MCTP2: variants seen among roughly 807,000 people sequenced by gnomAD.
MCTP2 encodes the protein multiple C2 and transmembrane domain-containing protein 2.
MCTP2 carries 132 observed loss-of-function variants against 111.6 expected under a neutral mutation model. That is an observed-to-expected ratio of 1.18 (90% CI 1.03 to 1.37). MCTP2 has a LOEUF of 1.37. Among genes scored for constraint, MCTP2 ranks in the 40% most tolerant of loss-of-function variants. MCTP2 has a pLI of 0.00. For missense variants in MCTP2, 1,183 were observed against 1,067.9 expected (o/e 1.11, Z -1.50); for synonymous variants, 395 against 387.7 (o/e 1.02, Z -0.22).
At chr15:94,274,902 T>C (rs913170944) in intron 1 of MCTP2, among the ~76,000 whole-genome samples, 1 of 152,186 alleles carries the variant, frequency 6.6e-6, no homozygotes, top group Non-Finnish European at 1.5e-5. Context: ...CTACACTCTT[T>C]CATGAACATA....
intron 17 of MCTP2, among the ~76,000 whole-genome samples, chr15:94,424,072 GTGTC>G (rs2082757436): frequency 1.3e-5 from 2 of 152,030 alleles, no homozygotes; most frequent in African/African-American, 2.4e-5. Flanking sequence ...TGCCATCTTT[GTGTC>G]TGTCTTTCAA....
rs192552932 is a variant in MCTP2, at chr15:94,289,788, C to T, written c.-65-8413C>T. On this transcript the variant is annotated intron_variant, in intron 1 of 22. Coordinates refer to ENST00000357742, the MANE Select transcript of MCTP2 (RefSeq NM_001385001.1). The stretch of plus-strand genomic sequence containing the variant: ...TCCCTTCCCTAACCCCAGATACCCA[C>T]ATCCTTATCCCAGGATCCTGTGAAT... Among the ~76,000 whole-genome samples the T allele has an allele frequency of 1.3e-3, 202 of 152,284 alleles. 1 individual carries two copies. Among genetic ancestry groups the T allele is most frequent in the Non-Finnish European group, 1.0e-3 (71 of 68,024 alleles).
At chr15:94,342,448 C>T (rs1449634784) in intron 7 of MCTP2, 2 of 152,052 alleles carry the variant, frequency 1.3e-5, no homozygotes, top group African/African-American at 4.8e-5. Context: ...TGACTCCCCA[C>T]CTCCCATGTT....
In MCTP2 at chr15:94,298,627, A is replaced by G. The variant is rs768473440; in HGVS notation, c.362A>G (p.Glu121Gly). ...CTCCATGTGGTGGAAACAGACTCAG[A>G]GGAGGCCTATGCCTCTCCTGCTGAG... ...SHLHVVETDS[E>G]EAYASPAERR... The change falls in exon 2 of 23, where the codon GAG (glutamate) becomes GGG (glycine). Residue 121 changes from glutamate to glycine, a missense_variant. By Grantham distance (98) the Glu-to-Gly change is moderately conservative. Coordinates refer to ENST00000357742, the MANE Select transcript of MCTP2 (RefSeq NM_001385001.1). 2 of 1,614,008 alleles carry G rather than the reference A, an allele frequency of 1.2e-6. No individual in the cohort carries two copies. The highest frequency in any genetic ancestry group is 1.7e-6 in the Non-Finnish European group (2 of 1,180,006).
chr15:94,331,501 G>C (rs998459359), intron 4 of MCTP2, among the ~76,000 whole-genome samples: 3 of 152,098 alleles, frequency 2.0e-5, no homozygotes, highest in African/African-American at 7.2e-5. Context: ...GGAAGTTCAG[G>C]GGGGCTGTGG....
chr15:94,408,530 C>T (rs1459335837), intron 17 of MCTP2, among the ~76,000 whole-genome samples: 1 of 152,070 alleles, frequency 6.6e-6, no homozygotes, highest in African/African-American at 2.4e-5. Flanking sequence ...AAAATAGGAA[C>T]AATCCATCAT....
At chr15:94,441,400 T>C (rs977646680) in intron 18 of MCTP2, among the ~76,000 whole-genome samples, 2 of 152,224 alleles carry the variant, frequency 1.3e-5, no homozygotes, top group African/African-American at 4.8e-5. Flanking sequence ...TTATAGATAA[T>C]GGAAATTTTT....
intron 17 of MCTP2, among the ~76,000 whole-genome samples, chr15:94,411,132 GCAAA>G (rs2082133367): frequency 6.6e-6 from 1 of 152,150 alleles, no homozygotes; most frequent in South Asian, 2.1e-4. Context: ...ACCTGGATGT[GCAAA>G]CATTTTGTGT....
chr15:94,468,330 A>ACC (rs1596832306), intron 20 of MCTP2, among the ~76,000 whole-genome samples: 2 of 152,132 alleles, frequency 1.3e-5, no homozygotes, highest in East Asian at 3.9e-4. Flanking sequence ...ACAGACTGGA[A>ACC]ATTATGGTTC....
At chr15:94,336,755 A>G (rs542559461) in intron 4 of MCTP2, among the ~76,000 whole-genome samples, 2 of 151,966 alleles carry the variant, frequency 1.3e-5, no homozygotes, top group African/African-American at 4.8e-5. Flanking sequence ...GTGTATATAT[A>G]TACACATATA....
chr15:94,245,316 A>T (rs192162223), intron 1 of MCTP2, among the ~76,000 whole-genome samples: 5 of 141,968 alleles, frequency 3.5e-5, no homozygotes, highest in African/African-American at 1.3e-4. Flanking sequence ...ATATATGTAC[A>T]TATATTTACA....
At chr15:94,347,368 C>T (rs11854333) in intron 8 of MCTP2, among the ~76,000 whole-genome samples, 44,331 of 151,946 alleles carry the variant, frequency 0.29, 6,653 homozygotes, top group Admixed American at 0.36. Context: ...TTAAAATTTT[C>T]ACTAGTCCTA....
chr15:94,436,516 T>C (rs2083485895), intron 17 of MCTP2, among the ~76,000 whole-genome samples: 1 of 152,214 alleles, frequency 6.6e-6, no homozygotes, highest in Admixed American at 6.5e-5. Flanking sequence ...AAAAGAGTTT[T>C]AGGCTATTTG....
At chr15:94,309,977 C>T (rs1184730295) in intron 2 of MCTP2, among the ~76,000 whole-genome samples, 1 of 152,204 alleles carries the variant, frequency 6.6e-6, no homozygotes, top group Non-Finnish European at 1.5e-5. Context: ...TGTAATTAGA[C>T]AGTTTTGTCA....
At chr15:94,337,207 CT>C (rs748576673) in intron 4 of MCTP2, among the ~76,000 whole-genome samples, 224 of 152,282 alleles carry the variant, frequency 1.5e-3, no homozygotes, top group Non-Finnish European at 2.3e-3. Context: ...TTGACACCCT[CT>C]TTCCTTGTTT....
chr15:94,446,903 CAG>C (rs1567724770), intron 19 of MCTP2, among the ~76,000 whole-genome samples: 1 of 152,132 alleles, frequency 6.6e-6, no homozygotes, highest in Non-Finnish European at 1.5e-5. Flanking sequence ...AGATGAAAAA[CAG>C]ATATGGACAT....
intron 17 of MCTP2, among the ~76,000 whole-genome samples, chr15:94,412,269 A>G (rs2082185987): frequency 6.6e-6 from 1 of 151,248 alleles, no homozygotes; most frequent in Non-Finnish European, 1.5e-5. Flanking sequence ...AACTGCATAT[A>G]CACAGGATCC....
chr15:94,468,097 A>T (rs2152538013), intron 20 of MCTP2, among the ~76,000 whole-genome samples: 1 of 152,336 alleles, frequency 6.6e-6, no homozygotes, highest in East Asian at 1.9e-4. Context: ...ACAAACTGAA[A>T]GAATATATAA....
chr15:94,344,764 C>T (rs948868625), intron 7 of MCTP2, among the ~76,000 whole-genome samples: 3 of 152,146 alleles, frequency 2.0e-5, no homozygotes, highest in Admixed American at 1.3e-4. Context: ...ATTTCTTAAA[C>T]ATTTTTATAA....
Sources: allele counts gnomAD v4.1 joint callset (sites outside exome capture counted in the v4.1 genomes callset), GRCh38; gene constraint gnomAD v4.1.1; transcripts MANE v1.5; gene names NCBI Gene and HGNC (gene_info 2026-07-23, HGNC 2026-07-21).